Variants in MSI2 observed in about 807,000 individuals in gnomAD.
MSI2 encodes the protein musashi RNA binding protein 2.
A neutral mutation model predicts 45.6 loss-of-function variants in MSI2; 17 were observed. The observed-to-expected ratio is 0.37, with a 90% confidence interval of 0.26 to 0.56. The LOEUF is 0.56. MSI2 is among the 20% of genes least tolerant of loss of function. The probability of loss-of-function intolerance (pLI) is 0.77; values close to 1 mark genes in which losing one functional copy is unlikely to be tolerated. For missense variants in MSI2, 293 were observed against 444.2 expected, an observed-to-expected ratio of 0.66 and a Z score of 3.06; for synonymous variants, 156 against 158.2, an observed-to-expected ratio of 0.99 and a Z score of 0.11.
intron 6 of MSI2, among the ~76,000 whole-genome samples, chr17:57,509,572 C>T (rs1027549559): frequency 6.6e-6 from 1 of 152,184 alleles, no homozygotes; most frequent in Admixed American, 6.5e-5. Context: ...ACACATCTGC[C>T]ACCATGCCCG....
intron 5 of MSI2, chr17:57,279,912 A>C (rs553790559): frequency 2.3e-4 from 35 of 152,152 alleles, no homozygotes; most frequent in African/African-American, 8.4e-4. Context: ...CTCCCAAAGT[A>C]TTGGGACTAC....
intron 5 of MSI2, among the ~76,000 whole-genome samples, chr17:57,385,457 G>A (rs1191953133): frequency 6.6e-6 from 1 of 152,082 alleles, no homozygotes; most frequent in African/African-American, 2.4e-5. Flanking sequence ...TTCGAGACGA[G>A]CCTGGCCAAC....
At chr17:57,643,900 C>T (rs1910443363) in intron 10 of MSI2, among the ~76,000 whole-genome samples, 1 of 152,254 alleles carries the variant, frequency 6.6e-6, no homozygotes, top group Non-Finnish European at 1.5e-5. Flanking sequence ...CAGGACCAAC[C>T]TGAGCCACCA....
At chr17:57,563,577 G>C (rs1431397561) in intron 7 of MSI2, among the ~76,000 whole-genome samples, 1 of 152,102 alleles carries the variant, frequency 6.6e-6, no homozygotes, top group Admixed American at 6.5e-5. Context: ...AATAGTGAAT[G>C]ACATTGGATA....
intron 5 of MSI2, among the ~76,000 whole-genome samples, chr17:57,314,521 AG>A (rs1275798116): frequency 6.7e-6 from 1 of 150,216 alleles, no homozygotes; most frequent in Non-Finnish European, 1.5e-5. Context: ...GGGAAAATAT[AG>A]GGTGAGATCA....
chr17:57,677,051 C>T lies in MSI2; in HGVS notation c.*23C>T, dbSNP rs1221494323. The T allele has an allele frequency of 6.2e-7, 1 of 1,611,698 alleles. No homozygotes were observed. The highest frequency in any genetic ancestry group is 8.5e-7 in the Non-Finnish European group (1 of 1,177,890). Reference sequence around the variant, plus strand: ...TGAGCAGGTGCTTTCGTTGCCATCTCACTCTGAGGTATTACCGTCTCTGCC... The same window carrying T: ...TGAGCAGGTGCTTTCGTTGCCATCTTACTCTGAGGTATTACCGTCTCTGCC... On this transcript the variant is annotated 3_prime_UTR_variant, in exon 13 of 14. Transcript: ENST00000284073.
At chr17:57,593,626 T>A (rs762936483) in intron 7 of MSI2, among the ~76,000 whole-genome samples, 1 of 150,998 alleles carries the variant, frequency 6.6e-6, no homozygotes, top group Non-Finnish European at 1.5e-5. Context: ...TTGCAAAAGC[T>A]CTTTTTCCAA....
At chr17:57,513,262 C>T (rs2086396633) in intron 6 of MSI2, among the ~76,000 whole-genome samples, 1 of 152,158 alleles carries the variant, frequency 6.6e-6, no homozygotes, top group Non-Finnish European at 1.5e-5. Flanking sequence ...GCATGAGCCA[C>T]CACGCTCGGC....
At chr17:57,619,784 A>G (rs1207242975) in intron 9 of MSI2, among the ~76,000 whole-genome samples, 4 of 152,142 alleles carry the variant, frequency 2.6e-5, no homozygotes, top group Non-Finnish European at 4.4e-5. Context: ...TGGATATGTG[A>G]TGCCTGCCAG....
chr17:57,380,225 G>T (rs1332884270), intron 5 of MSI2, among the ~76,000 whole-genome samples: 1 of 152,246 alleles, frequency 6.6e-6, no homozygotes, highest in East Asian at 1.9e-4. Context: ...CATTAACCAC[G>T]TTGTGCCCTG....
chr17:57,556,515 TTGGGG>T (rs2087439200), intron 7 of MSI2, among the ~76,000 whole-genome samples: 1 of 152,104 alleles, frequency 6.6e-6, no homozygotes, highest in African/African-American at 2.4e-5. Context: ...CCATCAGTCT[TTGGGG>T]TGGGAGGGAG....
downstream of MSI2, among the ~76,000 whole-genome samples, chr17:57,686,686 A>G (rs941334131): frequency 1.3e-5 from 2 of 152,204 alleles, no homozygotes; most frequent in Admixed American, 6.5e-5. Flanking sequence ...AAAAGACACA[A>G]TCTATTAAGA....
chr17:57,366,525 G>A (rs891909141), intron 5 of MSI2, among the ~76,000 whole-genome samples: 7 of 152,234 alleles, frequency 4.6e-5, no homozygotes, highest in Non-Finnish European at 8.8e-5. Flanking sequence ...TATAGTAGAG[G>A]TGGAGAGGGC....
At chr17:57,312,126 G>T (rs1028235617) in intron 5 of MSI2, among the ~76,000 whole-genome samples, 1 of 152,224 alleles carries the variant, frequency 6.6e-6, no homozygotes, top group Admixed American at 6.5e-5. Context: ...CCAGGATATT[G>T]CAGGGAGAGG....
intron 6 of MSI2, among the ~76,000 whole-genome samples, chr17:57,488,198 G>A (rs1377896636): frequency 4.5e-5 from 6 of 133,520 alleles, no homozygotes; most frequent in African/African-American, 5.5e-5. Context: ...AACAACCAGG[G>A]GGAAGCTCAC....
chr17:57,527,523 G>A (rs1322059648), intron 6 of MSI2, among the ~76,000 whole-genome samples: 6 of 152,220 alleles, frequency 3.9e-5, no homozygotes, highest in Admixed American at 2.0e-4. Flanking sequence ...TGGGCATGGG[G>A]ATCTCCAAAC....
intron 7 of MSI2, among the ~76,000 whole-genome samples, chr17:57,578,513 C>T (rs534118150): frequency 1.9e-4 from 29 of 151,954 alleles, no homozygotes; most frequent in African/African-American, 6.5e-4. Flanking sequence ...GTATTCATTT[C>T]GCCAGGAAGC....
chr17:57,686,134 C>T (rs1482779479), downstream of MSI2, among the ~76,000 whole-genome samples: 10 of 152,112 alleles, frequency 6.6e-5, no homozygotes, highest in Admixed American at 5.9e-4. Flanking sequence ...ATCCTGCTGC[C>T]CCTGGGTTCA....
chr17:57,658,084 T>C (rs1911735119), intron 11 of MSI2, among the ~76,000 whole-genome samples: 1 of 152,170 alleles, frequency 6.6e-6, no homozygotes. Context: ...CAAGATCTGA[T>C]GGGGGGCGGA....
Sources: allele counts gnomAD v4.1 joint callset (sites outside exome capture counted in the v4.1 genomes callset), GRCh38; gene constraint gnomAD v4.1.1; transcripts MANE v1.5; gene names NCBI Gene and HGNC (gene_info 2026-07-23, HGNC 2026-07-21).